Variants in MEOX2 observed in about 807,000 individuals in gnomAD.
MEOX2 encodes homeobox protein MOX-2.
Under a neutral mutation model 27.0 loss-of-function variants are expected in MEOX2, and 11 were observed. The observed-to-expected ratio is 0.41, with a 90% confidence interval of 0.26 to 0.68. The LOEUF is 0.68. MEOX2 is among the 30% of genes least tolerant of loss of function. The pLI, the probability that MEOX2 is intolerant of heterozygous loss-of-function variation, is 0.33. For missense variants in MEOX2, 436 were observed against 385.4 expected, an observed-to-expected ratio of 1.13 and a Z score of -1.10; for synonymous variants, 189 against 155.4, an observed-to-expected ratio of 1.22 and a Z score of -1.61.
At chr7:15,676,814 C>T (rs974864456) in intron 1 of MEOX2, among the ~76,000 whole-genome samples, 16 of 151,552 alleles carry the variant, frequency 1.1e-4, no homozygotes, top group African/African-American at 3.4e-4. Context: ...GTCAAGATTG[C>T]GCCACTGCAC....
intron 1 of MEOX2, among the ~76,000 whole-genome samples, chr7:15,663,561 G>A (rs546163455): frequency 2.6e-5 from 4 of 151,724 alleles, no homozygotes; most frequent in Admixed American, 6.6e-5. Context: ...GGCTGGTCTC[G>A]AACTCCTGAC....
chr7:15,629,414 A>G (rs1333036715), intron 1 of MEOX2, among the ~76,000 whole-genome samples: 1 of 152,138 alleles, frequency 6.6e-6, no homozygotes, highest in African/African-American at 2.4e-5. Context: ...AAATCCATAA[A>G]TTATTTACTG....
intron 1 of MEOX2, among the ~76,000 whole-genome samples, chr7:15,643,157 C>T (rs909564498): frequency 6.6e-6 from 1 of 152,168 alleles, no homozygotes; most frequent in Admixed American, 6.5e-5. Context: ...TGCAGTTTGA[C>T]CTCCCAGCCA....
At chr7:15,679,235 ATAAAG>A (rs1454036314) in intron 1 of MEOX2, 2 of 152,078 alleles carry the variant, frequency 1.3e-5, no homozygotes, top group African/African-American at 4.8e-5. Flanking sequence ...ATATACATAT[ATAAAG>A]TAAACGCCTT....
intron 1 of MEOX2, among the ~76,000 whole-genome samples, chr7:15,662,311 A>C (rs1028943802): frequency 6.6e-6 from 1 of 152,074 alleles, no homozygotes; most frequent in Non-Finnish European, 1.5e-5. Flanking sequence ...TGTATTAGTT[A>C]TAGGGGTTTT....
intron 1 of MEOX2, among the ~76,000 whole-genome samples, chr7:15,661,387 G>A (rs959697826): frequency 6.6e-6 from 1 of 152,112 alleles, no homozygotes; most frequent in Non-Finnish European, 1.5e-5. Context: ...TTTATGATTG[G>A]TTAATATATT....
intron 1 of MEOX2, among the ~76,000 whole-genome samples, chr7:15,656,359 T>C (rs529945287): frequency 1.3e-5 from 2 of 152,052 alleles, no homozygotes; most frequent in East Asian, 3.9e-4. Flanking sequence ...ACACTTAATA[T>C]AATTATTGTA....
intron 1 of MEOX2, among the ~76,000 whole-genome samples, chr7:15,672,635 A>G (rs984977195): frequency 1.3e-5 from 2 of 152,140 alleles, no homozygotes. Flanking sequence ...GCTCACACCC[A>G]TAATCCCAAC....
At chr7:15,618,561 C>T (rs1250467447) in intron 2 of MEOX2, among the ~76,000 whole-genome samples, 1 of 151,876 alleles carries the variant, frequency 6.6e-6, no homozygotes, top group Non-Finnish European at 1.5e-5. Context: ...TGGCTAACAG[C>T]TTCTAAGTAT....
chr7:15,685,970 C>T lies in MEOX2; in HGVS notation c.433G>A (p.Ala145Thr). The part of the protein sequence containing the change: ...GSSTPTGAAC[A>T]PGDYGRQALS... ...GCCTGGCGGCCGTAGTCCCCCGGCG[C>T]GCACGCGGCCCCAGTCGGGGTGCTG... The change falls in exon 1 of 3, where the codon GCG (alanine) becomes ACG (threonine). Residue 145 changes from alanine to threonine, a missense_variant. Transcript: ENST00000262041. 2 of 1,610,900 alleles carry T rather than the reference C, an allele frequency of 1.2e-6. No individual in the cohort carries two copies. Among genetic ancestry groups the T allele is most frequent in the Non-Finnish European group, 1.7e-6 (2 of 1,179,686 alleles).
intron 1 of MEOX2, among the ~76,000 whole-genome samples, chr7:15,656,429 A>C (rs1161824580): frequency 6.8e-6 from 1 of 146,668 alleles, no homozygotes; most frequent in South Asian, 2.1e-4. Context: ...TTGGTTTTTC[A>C]TGTTTTTCTT....
Position 15,659,758 on chromosome 7 carries a change from CAAA to C in MEOX2, c.517+26125_517+26127del, listed in dbSNP as rs58319551. Among the ~76,000 whole-genome samples, 5 of 54,218 alleles carry C rather than the reference CAAA, an allele frequency of 9.2e-5. No individual in the cohort carries two copies. In the East Asian group the frequency reaches 1.8e-3, roughly 20 times the overall value. The allele number at this position is 54,218 out of a possible 152,430, so 35.6% of individuals were successfully genotyped here. On this transcript the variant is annotated intron_variant, in intron 1 of 2. Transcript: ENST00000262041. ...CTGGGTGACAGAGCGAGACTGCTCT[CAAA>C]AAAAAAAAAAAAAAAAAAAAGCAAA...
intron 1 of MEOX2, among the ~76,000 whole-genome samples, chr7:15,630,325 A>T (rs1303578402): frequency 1.3e-5 from 2 of 152,078 alleles, no homozygotes; most frequent in East Asian, 3.9e-4. Flanking sequence ...TCCACATGTG[A>T]CTTTTTATTT....
chr7:15,652,258 T>C (rs142036281), intron 1 of MEOX2, among the ~76,000 whole-genome samples: 6 of 152,214 alleles, frequency 3.9e-5, no homozygotes, highest in African/African-American at 1.4e-4. Flanking sequence ...TTGAGATGCC[T>C]CTTTAGAACC....
intron 2 of MEOX2, among the ~76,000 whole-genome samples, chr7:15,616,276 T>C (rs993779009): frequency 4.7e-4 from 71 of 151,932 alleles, no homozygotes; most frequent in African/African-American, 7.9e-4. Context: ...AACAAATACA[T>C]AATGGGCATA....
chr7:15,646,327 G>A (rs1217438107), intron 1 of MEOX2, among the ~76,000 whole-genome samples: 2 of 151,922 alleles, frequency 1.3e-5, no homozygotes, highest in African/African-American at 4.8e-5. Context: ...ATATAATTGT[G>A]TTTTTTCCTT....
chr7:15,624,528 A>C (rs1448315734), intron 2 of MEOX2, among the ~76,000 whole-genome samples: 1 of 152,104 alleles, frequency 6.6e-6, no homozygotes, highest in Non-Finnish European at 1.5e-5. Flanking sequence ...TGCTCACCGG[A>C]GTTTTCCCCC....
intron 1 of MEOX2, among the ~76,000 whole-genome samples, chr7:15,635,648 A>C (rs1781469279): frequency 6.6e-6 from 1 of 152,024 alleles, no homozygotes. Flanking sequence ...ATTTGATAAA[A>C]TCATGTGTTA....
chr7:15,681,821 G>C (rs1473477178), intron 1 of MEOX2: 1 of 151,682 alleles, frequency 6.6e-6, no homozygotes, highest in Non-Finnish European at 1.5e-5. Context: ...TAAGCCCGGT[G>C]AAAGTTTGTG....
Sources: gnomAD v4.1 joint callset for allele counts (sites outside exome capture counted in the v4.1 genomes callset) on GRCh38, gnomAD v4.1.1 for gene constraint, MANE v1.5 for transcripts, NCBI Gene and HGNC (gene_info 2026-07-23, HGNC 2026-07-21) for gene names.